The following SNX24 variants were observed in gnomAD, a reference collection of about 807,000 sequenced individuals.
The protein encoded by SNX24 is sorting nexin-24.
Under a neutral mutation model 28.7 loss-of-function variants are expected in SNX24, and 22 were observed. The observed-to-expected ratio is 0.77, with a 90% CI of 0.55 to 1.10. The LOEUF is 1.10. SNX24 is among the 50% of genes least tolerant of loss of function. The pLI, the probability that SNX24 is intolerant of heterozygous loss-of-function variation, is 0.00. For synonymous variants in SNX24, 69 were observed against 71.5 expected (o/e 0.96, Z 0.18); for missense variants, 221 against 201.1 (o/e 1.10, Z -0.60).
At chr5:122,981,413 A>C (rs1561690720) in intron 3 of SNX24, among the ~76,000 whole-genome samples, 1 of 152,178 alleles carries the variant, frequency 6.6e-6, no homozygotes, top group Non-Finnish European at 1.5e-5. Flanking sequence ...AAGATGAAAA[A>C]GATGTACTTT....
At chr5:122,953,094 TCC>T (rs1561648374) in intron 3 of SNX24, among the ~76,000 whole-genome samples, 1 of 151,684 alleles carries the variant, frequency 6.6e-6, no homozygotes, top group Non-Finnish European at 1.5e-5. Flanking sequence ...TCCTTCCCTT[TCC>T]TTTCCTTTCC....
chr5:123,021,397 G>A (rs1235848673), intron 5 of SNX24, among the ~76,000 whole-genome samples: 2 of 152,146 alleles, frequency 1.3e-5, no homozygotes. Flanking sequence ...CTAAGGACTA[G>A]AGATGGGTGA....
At chr5:122,917,740 T>C (rs1758242450) in intron 1 of SNX24, among the ~76,000 whole-genome samples, 1 of 152,170 alleles carries the variant, frequency 6.6e-6, no homozygotes, top group Admixed American at 6.5e-5. Flanking sequence ...GAATTATAAG[T>C]GGGTGCCCTA....
Position 122,946,491 on chromosome 5 carries a change from G to A in SNX24, c.249+332G>A, listed in dbSNP as rs367906039. Among the ~76,000 whole-genome samples, 16 of 152,026 alleles carry A rather than the reference G, an allele frequency of 1.1e-4. No individual in the cohort carries two copies. The East Asian group carries it at 1.2e-3, about 11-fold the overall frequency. On this transcript the variant is annotated intron_variant, in intron 3 of 6. Transcript: ENST00000261369. ...CAAGATTTTTTTTTGCTTCTTTATAGCAATCCCAGCCTTCACGTTTTGAGT... is the reference window on the plus strand; with the variant it reads ...CAAGATTTTTTTTTGCTTCTTTATAACAATCCCAGCCTTCACGTTTTGAGT...
At chr5:122,918,762 A>C (rs1758293930) in intron 1 of SNX24, among the ~76,000 whole-genome samples, 1 of 152,356 alleles carries the variant, frequency 6.6e-6, no homozygotes, top group African/African-American at 2.4e-5. Flanking sequence ...GGTTTACCAA[A>C]GTCACAGAAT....
chr5:122,886,933 A>T (rs1756744730), intron 1 of SNX24, among the ~76,000 whole-genome samples: 2 of 152,162 alleles, frequency 1.3e-5, no homozygotes, highest in Non-Finnish European at 1.5e-5. Context: ...TTGTTTTTAT[A>T]GGGGATGTCT....
intron 6 of SNX24, among the ~76,000 whole-genome samples, chr5:123,004,595 C>T (rs148834070): frequency 6.6e-6 from 1 of 152,142 alleles, no homozygotes; most frequent in Admixed American, 6.6e-5. Context: ...ATTGTATCTC[C>T]ATCTCAACTC....
chr5:122,954,249 G>T (rs943447290), intron 3 of SNX24, among the ~76,000 whole-genome samples: 2 of 151,518 alleles, frequency 1.3e-5, no homozygotes, highest in African/African-American at 4.8e-5. Context: ...TCAGTGTTAA[G>T]TATTCTGTTT....
Position 122,932,984 on chromosome 5 carries a change from G to T in SNX24, c.61-3750G>T, listed in dbSNP as rs182377512. Among the ~76,000 whole-genome samples the T allele has an allele frequency of 3.3e-5, 5 of 152,150 alleles. No individual in the cohort carries two copies. The East Asian group carries it at 9.7e-4, about 29-fold the overall frequency. On this transcript the variant is annotated intron_variant, in intron 1 of 6. Coordinates refer to ENST00000261369, the MANE Select transcript of SNX24 (RefSeq NM_014035.4). Reference sequence around the variant, plus strand: ...CAGTGTAACTTAGTACATTAGAGGGGTGAAATCTGGCAACATTTTTGGTAA... The same window carrying T: ...CAGTGTAACTTAGTACATTAGAGGGTTGAAATCTGGCAACATTTTTGGTAA...
intron 1 of SNX24, among the ~76,000 whole-genome samples, chr5:122,923,206 G>T (rs1758521341): frequency 6.6e-6 from 1 of 151,952 alleles, no homozygotes; most frequent in Non-Finnish European, 1.5e-5. Flanking sequence ...AGGCATGGTG[G>T]CATGTGCCTG....
chr5:122,874,762 A>T (rs1756149467), intron 1 of SNX24, among the ~76,000 whole-genome samples: 1 of 152,178 alleles, frequency 6.6e-6, no homozygotes, highest in Non-Finnish European at 1.5e-5. Context: ...GGAAACCTGG[A>T]CAGGCCCCTG....
chr5:122,976,527 T>C (rs1273369700), intron 3 of SNX24, among the ~76,000 whole-genome samples: 5 of 152,204 alleles, frequency 3.3e-5, no homozygotes, highest in African/African-American at 9.6e-5. Flanking sequence ...CTCTTCCAGA[T>C]TGATGCTATT....
At chr5:122,941,711 C>T (rs1759457631) in intron 2 of SNX24, among the ~76,000 whole-genome samples, 1 of 152,132 alleles carries the variant, frequency 6.6e-6, no homozygotes, top group Non-Finnish European at 1.5e-5. Context: ...GTCTTGGGCA[C>T]ATATTAGGTA....
chr5:122,996,402 C>T (rs937896482), intron 3 of SNX24, among the ~76,000 whole-genome samples: 2 of 152,188 alleles, frequency 1.3e-5, no homozygotes, highest in African/African-American at 4.8e-5. Flanking sequence ...GGTCTGCAAA[C>T]CCCCTGCCAC....
At chr5:122,980,627 G>T (rs1317966758) in intron 3 of SNX24, among the ~76,000 whole-genome samples, 1 of 151,284 alleles carries the variant, frequency 6.6e-6, no homozygotes, top group Non-Finnish European at 1.5e-5. Context: ...ACAAGCAGAA[G>T]GAGTTTAAGG....
Position 122,950,664 on chromosome 5 carries a change from A to AT in SNX24, c.249+4508dup, listed in dbSNP as rs577739511. Reference sequence around the variant, plus strand: ...GTTTTTCCTGATCTCATTGGCTTATATTTGTGTGCATGCCCACTTCTGAAC... The same window carrying AT: ...GTTTTTCCTGATCTCATTGGCTTATATTTTGTGTGCATGCCCACTTCTGAAC... On this transcript the variant is annotated intron_variant, in intron 3 of 6. Transcript: ENST00000261369. Among the ~76,000 whole-genome samples the AT allele has an allele frequency of 4.1e-4, 63 of 152,240 alleles. No individual in the cohort carries two copies. The East Asian group carries it at 0.011, about 26-fold the overall frequency.
At chr5:122,855,162 C>G (rs2150035371) in intron 1 of SNX24, among the ~76,000 whole-genome samples, 1 of 152,140 alleles carries the variant, frequency 6.6e-6, no homozygotes, top group South Asian at 2.1e-4. Flanking sequence ...ACCTCTGCCT[C>G]CTGGGTTCCA....
Position 123,008,579 on chromosome 5 carries a change from A to G in SNX24, c.*830A>G, listed in dbSNP as rs563953927. ...GTTAAAAAAAAAAAAAAAAAAGCACATAACTTTTAACACTAGAATCAGCCC... is the reference window on the plus strand; with the variant it reads ...GTTAAAAAAAAAAAAAAAAAAGCACGTAACTTTTAACACTAGAATCAGCCC... On this transcript the variant is annotated 3_prime_UTR_variant, in exon 7 of 7. Coordinates refer to ENST00000261369, the MANE Select transcript of SNX24 (RefSeq NM_014035.4). 1 of 153,702 alleles carries G rather than the reference A, an allele frequency of 6.5e-6. No homozygotes were observed. Among genetic ancestry groups the G allele is most frequent in the African/African-American group, 2.4e-5 (1 of 40,900 alleles). 9.5% of individuals were successfully genotyped at this position (153,702 alleles called of 1,614,324 possible).
intron 3 of SNX24, among the ~76,000 whole-genome samples, chr5:122,947,961 A>G (rs1364686007): frequency 6.6e-6 from 1 of 152,204 alleles, no homozygotes; most frequent in Non-Finnish European, 1.5e-5. Context: ...TGGCACAGAG[A>G]GGAGTTTATA....
Sources: allele counts gnomAD v4.1 joint callset (sites outside exome capture counted in the v4.1 genomes callset), GRCh38; gene constraint gnomAD v4.1.1; transcripts MANE v1.5; gene names NCBI Gene and HGNC (gene_info 2026-07-23, HGNC 2026-07-21).